SETBP1: variants seen among roughly 807,000 people sequenced by gnomAD.
SETBP1 encodes the protein SET binding protein 1, also known as SET-binding protein.
A neutral mutation model predicts 101.0 loss-of-function variants in SETBP1; 9 were observed. That is an observed-to-expected ratio of 0.09 (90% CI 0.05 to 0.16). The LOEUF is 0.16. SETBP1 is among the 10% of genes least tolerant of loss of function. The probability of loss-of-function intolerance (pLI) is 1.00; values close to 1 mark genes in which losing one functional copy is unlikely to be tolerated. For missense variants in SETBP1, 1,858 were observed against 2,033.8 expected (o/e 0.91, Z 1.66); for synonymous variants, 818 against 788.5 (o/e 1.04, Z -0.63).
At chr18:45,008,037 C>G (rs892316486) in intron 4 of SETBP1, among the ~76,000 whole-genome samples, 2 of 152,112 alleles carry the variant, frequency 1.3e-5, no homozygotes, top group African/African-American at 4.8e-5. Context: ...TCTGTGAGTC[C>G]CTGAAGCCTC....
At chr18:45,027,577 C>A (rs185496821) in intron 4 of SETBP1, among the ~76,000 whole-genome samples, 2 of 152,128 alleles carry the variant, frequency 1.3e-5, no homozygotes, top group African/African-American at 2.4e-5. Flanking sequence ...GAATTAAAAT[C>A]TTGTAGGGGA....
chr18:44,912,969 A>G (rs2070347548), intron 3 of SETBP1, among the ~76,000 whole-genome samples: 1 of 152,144 alleles, frequency 6.6e-6, no homozygotes. Flanking sequence ...GCAACCACAA[A>G]CCAAAAAGTT....
intron 4 of SETBP1, among the ~76,000 whole-genome samples, chr18:44,970,883 A>G (rs1000074263): frequency 2.6e-5 from 4 of 151,078 alleles, no homozygotes; most frequent in African/African-American, 7.3e-5. Context: ...TTTTTTAATT[A>G]TACTTTAAGT....
At chr18:44,717,400 T>C (rs2069490145) in intron 2 of SETBP1, among the ~76,000 whole-genome samples, 1 of 152,238 alleles carries the variant, frequency 6.6e-6, no homozygotes. Flanking sequence ...TGTCCTCTTT[T>C]TCTGTCATGT....
rs776436196 is a variant in SETBP1, at chr18:45,038,533, A to C, written c.4049A>C (p.Lys1350Thr). The stretch of plus-strand genomic sequence containing the variant: ...GTGGACCAGACAGCAGTGCATAGTA[A>C]GAACGAAGGCTCAGTGCCCACCATG... ...LKVDQTAVHS[K>T]NEGSVPTMMT... The change falls in exon 5 of 6, where the codon AAG becomes ACG. Residue 1350 changes from lysine to threonine, a missense_variant. Coordinates refer to ENST00000649279, the MANE Select transcript of SETBP1 (RefSeq NM_015559.3). The C allele has an allele frequency of 1.6e-5, 26 of 1,614,180 alleles. No homozygotes were observed. The highest frequency in any genetic ancestry group is 3.3e-5 in the Admixed American group (2 of 60,026).
chr18:45,001,856 T>C (rs2072624395), intron 4 of SETBP1, among the ~76,000 whole-genome samples: 1 of 152,192 alleles, frequency 6.6e-6, no homozygotes, highest in Non-Finnish European at 1.5e-5. Flanking sequence ...ATACTGAGAC[T>C]AAAGGATCCT....
intron 4 of SETBP1, among the ~76,000 whole-genome samples, chr18:44,985,271 C>T (rs899687328): frequency 2.0e-5 from 3 of 152,084 alleles, no homozygotes; most frequent in African/African-American, 7.2e-5. Context: ...AGTTTACTTG[C>T]TTAATTTGCC....
intron 2 of SETBP1, among the ~76,000 whole-genome samples, chr18:44,837,071 C>T (rs919622103): frequency 1.3e-5 from 2 of 152,236 alleles, no homozygotes; most frequent in African/African-American, 4.8e-5. Flanking sequence ...GGGCTCTGCT[C>T]CATGGGCTAA....
chr18:44,857,462 G>T (rs371401293), intron 2 of SETBP1, among the ~76,000 whole-genome samples: 4 of 152,314 alleles, frequency 2.6e-5, no homozygotes, highest in East Asian at 3.9e-4. Context: ...TTAAGGGTCT[G>T]CAGGGATATG....
chr18:44,707,841 C>T (rs763108212), intron 2 of SETBP1, among the ~76,000 whole-genome samples: 5 of 152,080 alleles, frequency 3.3e-5, no homozygotes, highest in Non-Finnish European at 7.4e-5. Context: ...GGAACGGTTG[C>T]AGGGGTGCTG....
intron 4 of SETBP1, among the ~76,000 whole-genome samples, chr18:44,993,123 T>G (rs1175047039): frequency 1.3e-5 from 2 of 151,988 alleles, no homozygotes; most frequent in Non-Finnish European, 2.9e-5. Context: ...TGACAAAGGT[T>G]CTCAGCAAAC....
chr18:44,973,152 T>G (rs1291407754), intron 4 of SETBP1, among the ~76,000 whole-genome samples: 3 of 152,228 alleles, frequency 2.0e-5, no homozygotes, highest in Non-Finnish European at 2.9e-5. Context: ...TTTTTGTCGT[T>G]GGTTCTCTTT....
At chr18:44,899,573 A>AC (rs1455191898) in intron 3 of SETBP1, among the ~76,000 whole-genome samples, 1 of 152,164 alleles carries the variant, frequency 6.6e-6, no homozygotes, top group East Asian at 1.9e-4. Flanking sequence ...TGGGCATTCC[A>AC]CGCTGGCAGT....
intron 2 of SETBP1, among the ~76,000 whole-genome samples, chr18:44,720,586 A>T (rs1039913345): frequency 6.6e-6 from 1 of 152,040 alleles, no homozygotes; most frequent in Non-Finnish European, 1.5e-5. Context: ...CCCAGTGTCT[A>T]CCTTGTTAGG....
intron 2 of SETBP1, among the ~76,000 whole-genome samples, chr18:44,741,811 G>A (rs763138040): frequency 6.6e-6 from 1 of 152,124 alleles, no homozygotes; most frequent in Non-Finnish European, 1.5e-5. Flanking sequence ...CACCCCTGAC[G>A]CTTCCTATTT....
At chr18:44,695,860 T>C (rs1598999562) in intron 1 of SETBP1, among the ~76,000 whole-genome samples, 1 of 139,764 alleles carries the variant, frequency 7.2e-6, no homozygotes, top group Non-Finnish European at 1.5e-5. Context: ...GGAAACCACC[T>C]TTTTTTTTTT....
chr18:44,706,181 T>G (rs2069213231), intron 2 of SETBP1, among the ~76,000 whole-genome samples: 1 of 152,146 alleles, frequency 6.6e-6, no homozygotes, highest in Non-Finnish European at 1.5e-5. Flanking sequence ...CCAACGTGGT[T>G]GCAACTTAAA....
At chr18:44,937,125 T>C (rs1363242840) in intron 3 of SETBP1, among the ~76,000 whole-genome samples, 3 of 152,168 alleles carry the variant, frequency 2.0e-5, no homozygotes, top group Admixed American at 2.0e-4. Flanking sequence ...CTTGACAGTC[T>C]TCAACTTCTA....
intron 2 of SETBP1, among the ~76,000 whole-genome samples, chr18:44,724,011 CAG>C (rs2069657004): frequency 6.6e-6 from 1 of 152,182 alleles, no homozygotes; most frequent in African/African-American, 2.4e-5. Context: ...GGAGTGCTAT[CAG>C]AGAGCAAAGT....
Sources: gnomAD v4.1 joint callset for allele counts (sites outside exome capture counted in the v4.1 genomes callset) on GRCh38, gnomAD v4.1.1 for gene constraint, MANE v1.5 for transcripts, NCBI Gene and HGNC (gene_info 2026-07-23, HGNC 2026-07-21) for gene names.